Variants in GNA14 observed in about 807,000 individuals in gnomAD.
GNA14 encodes guanine nucleotide-binding protein subunit alpha-14.
A neutral mutation model predicts 42.0 loss-of-function variants in GNA14; 50 were observed. The observed-to-expected ratio is 1.19, with a 90% confidence interval of 0.95 to 1.51. The LOEUF (loss-of-function observed/expected upper bound fraction) is 1.51, where lower values mean the gene tolerates loss of function less well. Ranked by LOEUF, GNA14 falls within the 40% of genes most tolerant of loss-of-function variation. The pLI, the probability that GNA14 is intolerant of heterozygous loss-of-function variation, is 0.00. For synonymous variants in GNA14, 173 were observed against 163.1 expected, an observed-to-expected ratio of 1.06 and a Z score of -0.46; for missense variants, 473 against 446.2, an observed-to-expected ratio of 1.06 and a Z score of -0.54.
In GNA14 at chr9:77,529,224, TA is replaced by T. The variant is rs750285947; in HGVS notation, c.153del (p.Phe51LeufsTer5). 136 of 1,613,960 alleles carry T rather than the reference TA, an allele frequency of 8.4e-5. No individual in the cohort carries two copies. The highest frequency in any genetic ancestry group is 7.4e-5 in the Non-Finnish European group (87 of 1,179,976). Reference sequence around the variant, plus strand: ...CCATGGATAATTCTCATCTGCTTGATAAAGGTGCTTTTCCCACTTTCACCAG... The same window carrying T: ...CCATGGATAATTCTCATCTGCTTGATAAGGTGCTTTTCCCACTTTCACCAG... ...LGTGESGKSTFIKQMRIIHGS... is the reference protein window; with the variant it reads ...LGTGESGKSTXIKQMRIIHGS... On this transcript the variant is annotated frameshift_variant, in exon 2 of 7. Transcript: ENST00000341700. LOFTEE classifies it high-confidence loss of function.
chr9:77,578,863 T>C (rs1388373080), intron 1 of GNA14, among the ~76,000 whole-genome samples: 2 of 152,182 alleles, frequency 1.3e-5, no homozygotes. Context: ...TAAGTGCACC[T>C]AGAATACTGA....
chr9:77,516,986 A>T (rs1444803699), intron 2 of GNA14, among the ~76,000 whole-genome samples: 1 of 152,228 alleles, frequency 6.6e-6, no homozygotes, highest in Admixed American at 6.5e-5. Flanking sequence ...ACGTGTGAAC[A>T]GCCAGAGCCA....
At chr9:77,574,672 G>A (rs908168198) in intron 1 of GNA14, among the ~76,000 whole-genome samples, 2 of 152,186 alleles carry the variant, frequency 1.3e-5, no homozygotes, top group Non-Finnish European at 2.9e-5. Flanking sequence ...ATAATTAACA[G>A]TAGCCATCAC....
At chr9:77,489,655 T>G (rs937278447) in intron 2 of GNA14, among the ~76,000 whole-genome samples, 8 of 152,074 alleles carry the variant, frequency 5.3e-5, no homozygotes, top group Non-Finnish European at 1.0e-4. Context: ...CTGGTGGGTT[T>G]GTGGTCTCGC....
intron 5 of GNA14, among the ~76,000 whole-genome samples, chr9:77,427,101 A>T (rs1835465275): frequency 6.6e-6 from 1 of 152,228 alleles, no homozygotes; most frequent in African/African-American, 2.4e-5. Context: ...ATACATATCT[A>T]CAACCAGGAG....
At chr9:77,431,691 C>G in intron 3 of GNA14, 1 of 398,044 alleles carries the variant, frequency 2.5e-6, no homozygotes, top group Non-Finnish European at 4.5e-6. Flanking sequence ...AGCACTCCGT[C>G]TCTTCCTCCT....
intron 1 of GNA14, among the ~76,000 whole-genome samples, chr9:77,579,335 G>A (rs928268219): frequency 2.6e-5 from 4 of 152,202 alleles, no homozygotes; most frequent in Admixed American, 2.6e-4. Context: ...GCTCTCTGCA[G>A]GGCGCGTATG....
intron 2 of GNA14, among the ~76,000 whole-genome samples, chr9:77,446,698 A>G (rs1835823956): frequency 6.6e-6 from 1 of 152,328 alleles, no homozygotes; most frequent in South Asian, 2.1e-4. Flanking sequence ...GCAGAGCCCA[A>G]GTGCCACACC....
At chr9:77,620,789 A>T (rs538600557) in intron 1 of GNA14, among the ~76,000 whole-genome samples, 18 of 144,284 alleles carry the variant, frequency 1.2e-4, no homozygotes, top group Non-Finnish European at 2.6e-4. Context: ...TGGAGGTTGC[A>T]GTGAGCCAAG....
At chr9:77,507,327 A>T (rs976233646) in intron 2 of GNA14, among the ~76,000 whole-genome samples, 3 of 152,240 alleles carry the variant, frequency 2.0e-5, no homozygotes, top group Admixed American at 6.5e-5. Context: ...TGGGGTGAGG[A>T]AGAGGTCAGG....
chr9:77,586,316 C>T (rs1587839155), intron 1 of GNA14, among the ~76,000 whole-genome samples: 2 of 152,050 alleles, frequency 1.3e-5, no homozygotes, highest in Non-Finnish European at 2.9e-5. Context: ...AAAAAGATAA[C>T]CAGCCCAATT....
At chr9:77,465,569 C>CTG (rs35315328) in intron 2 of GNA14, among the ~76,000 whole-genome samples, 70,857 of 151,886 alleles carry the variant, frequency 0.47, 19,536 homozygotes, top group African/African-American at 0.78. Flanking sequence ...GACTGACAAA[C>CTG]TATTCTAAAG....
chr9:77,575,508 G>A (rs557898584), intron 1 of GNA14, among the ~76,000 whole-genome samples: 21 of 152,176 alleles, frequency 1.4e-4, no homozygotes, highest in Non-Finnish European at 2.8e-4. Context: ...TTACTTGATA[G>A]TAAATGTTTA....
chr9:77,622,134 A>C (rs1306568812), intron 1 of GNA14, among the ~76,000 whole-genome samples: 1 of 152,250 alleles, frequency 6.6e-6, no homozygotes, highest in Admixed American at 6.5e-5. Flanking sequence ...GAAAGAAAAG[A>C]AACTTGTGTA....
intron 1 of GNA14, among the ~76,000 whole-genome samples, chr9:77,614,402 G>T (rs1419576321): frequency 6.6e-6 from 1 of 152,092 alleles, no homozygotes; most frequent in Non-Finnish European, 1.5e-5. Context: ...TGGGGTATCT[G>T]ACAGTACCCC....
chr9:77,465,435 T>C (rs1360433035), intron 2 of GNA14, among the ~76,000 whole-genome samples: 2 of 152,230 alleles, frequency 1.3e-5, no homozygotes, highest in Non-Finnish European at 2.9e-5. Flanking sequence ...ATTTGGACTT[T>C]TTTACACTTT....
At chr9:77,590,103 G>A (rs907955230) in intron 1 of GNA14, among the ~76,000 whole-genome samples, 43 of 152,076 alleles carry the variant, frequency 2.8e-4, no homozygotes, top group African/African-American at 1.0e-3. Flanking sequence ...TTTTAGTAGA[G>A]ATGGGGTATC....
intron 5 of GNA14, among the ~76,000 whole-genome samples, chr9:77,428,041 T>C (rs1835478955): frequency 6.6e-6 from 1 of 152,044 alleles, no homozygotes; most frequent in South Asian, 2.1e-4. Flanking sequence ...TATGAATTTT[T>C]AGTGTTCAGT....
At chr9:77,479,949 G>T (rs1238532215) in intron 2 of GNA14, among the ~76,000 whole-genome samples, 1 of 152,070 alleles carries the variant, frequency 6.6e-6, no homozygotes, top group African/African-American at 2.4e-5. Flanking sequence ...GGAGATTTTG[G>T]GCTGAAATGA....
Sources: gnomAD v4.1 joint callset for allele counts (sites outside exome capture counted in the v4.1 genomes callset) on GRCh38, gnomAD v4.1.1 for gene constraint, MANE v1.5 for transcripts, NCBI Gene and HGNC (gene_info 2026-07-23, HGNC 2026-07-21) for gene names.